The following FHIT variants were observed in gnomAD, a reference collection of about 807,000 sequenced individuals.
FHIT encodes fragile histidine triad diadenosine triphosphatase, also known as bis(5'-adenosyl)-triphosphatase.
Under a neutral mutation model 17.9 loss-of-function variants are expected in FHIT, and 19 were observed. The ratio of observed to expected loss-of-function variants is 1.06; its 90% confidence interval spans 0.74 to 1.56. The LOEUF (loss-of-function observed/expected upper bound fraction) is 1.56, where lower values mean the gene tolerates loss of function less well. Among genes scored for constraint, FHIT ranks in the 40% most tolerant of loss-of-function variants. The pLI is 0.00. For missense variants in FHIT, 248 were observed against 189.2 expected (o/e 1.31, Z -1.82); for synonymous variants, 81 against 69.7 (o/e 1.16, Z -0.81).
chr3:61,211,857 G>A (rs866163662), intron 1 of FHIT, among the ~76,000 whole-genome samples: 3 of 152,156 alleles, frequency 2.0e-5, no homozygotes, highest in East Asian at 1.9e-4. Context: ...ACGAAAATCC[G>A]CTGTTCTGCA....
At chr3:60,267,785 T>C (rs944735634) in intron 5 of FHIT, among the ~76,000 whole-genome samples, 1 of 152,218 alleles carries the variant, frequency 6.6e-6, no homozygotes, top group Non-Finnish European at 1.5e-5. Context: ...AATTATATTT[T>C]TTCTAGATTG....
intron 2 of FHIT, among the ~76,000 whole-genome samples, chr3:61,135,110 C>G (rs572804383): frequency 6.6e-6 from 1 of 152,244 alleles, no homozygotes; most frequent in African/African-American, 2.4e-5. Flanking sequence ...AAAATGGCCA[C>G]AGGGGCATCT....
At chr3:60,015,709 A>G (rs1249070516) in intron 5 of FHIT, among the ~76,000 whole-genome samples, 2 of 152,228 alleles carry the variant, frequency 1.3e-5, no homozygotes, top group African/African-American at 4.8e-5. Flanking sequence ...GTGCTATGTT[A>G]GGCTATGTTC....
At chr3:60,780,719 C>T (rs1442672500) in intron 4 of FHIT, among the ~76,000 whole-genome samples, 5 of 152,210 alleles carry the variant, frequency 3.3e-5, no homozygotes, top group Admixed American at 1.3e-4. Flanking sequence ...TTAATCTAAA[C>T]GGCAGCTGGA....
intron 4 of FHIT, among the ~76,000 whole-genome samples, chr3:60,810,946 T>C (rs1436833037): frequency 6.6e-6 from 1 of 152,190 alleles, no homozygotes; most frequent in Non-Finnish European, 1.5e-5. Flanking sequence ...GGAAAAAACA[T>C]AGGCCTTGGT....
At chr3:60,132,683 T>C (rs1366677930) in intron 5 of FHIT, among the ~76,000 whole-genome samples, 3 of 152,190 alleles carry the variant, frequency 2.0e-5, no homozygotes, top group Non-Finnish European at 2.9e-5. Flanking sequence ...TACTGGATGG[T>C]TGAAAAATCT....
At chr3:61,233,995 T>A (rs985524574) in intron 1 of FHIT, among the ~76,000 whole-genome samples, 1 of 152,212 alleles carries the variant, frequency 6.6e-6, no homozygotes, top group African/African-American at 2.4e-5. Flanking sequence ...CTGAAAGCAT[T>A]TGAAGCTGAC....
intron 2 of FHIT, among the ~76,000 whole-genome samples, chr3:61,073,745 A>C (rs2034883182): frequency 6.6e-6 from 1 of 152,122 alleles, no homozygotes; most frequent in South Asian, 2.1e-4. Context: ...CCCTATTCCT[A>C]TGTGTCATCT....
At chr3:61,249,668 ACT>A (rs1242082454) in intron 1 of FHIT, among the ~76,000 whole-genome samples, 2 of 152,020 alleles carry the variant, frequency 1.3e-5, no homozygotes, top group Non-Finnish European at 2.9e-5. Context: ...AATGGTTCTC[ACT>A]CTCATATAGC....
At chr3:59,808,823 G>T (rs1021300050) in intron 8 of FHIT, among the ~76,000 whole-genome samples, 2 of 152,150 alleles carry the variant, frequency 1.3e-5, no homozygotes, top group Admixed American at 1.3e-4. Context: ...GGACTGCGGG[G>T]TAGAAACAAT....
chr3:60,224,245 T>G (rs934579442), intron 5 of FHIT, among the ~76,000 whole-genome samples: 1 of 152,148 alleles, frequency 6.6e-6, no homozygotes, highest in Admixed American at 6.5e-5. Context: ...CCATTCTTCC[T>G]GGTTCCAGAG....
chr3:60,557,849 T>A (rs747215353), intron 4 of FHIT, among the ~76,000 whole-genome samples: 1 of 152,064 alleles, frequency 6.6e-6, no homozygotes, highest in Non-Finnish European at 1.5e-5. Context: ...CAGTGCAGAA[T>A]CTCTGAGCTC....
intron 4 of FHIT, among the ~76,000 whole-genome samples, chr3:60,682,627 G>C (rs2040776682): frequency 6.6e-6 from 1 of 152,124 alleles, no homozygotes; most frequent in African/African-American, 2.4e-5. Flanking sequence ...AAATATTACT[G>C]CTCACTGAAA....
chr3:60,345,630 G>A (rs1710737022), intron 5 of FHIT, among the ~76,000 whole-genome samples: 1 of 152,142 alleles, frequency 6.6e-6, no homozygotes, highest in Admixed American at 6.5e-5. Context: ...TCAAAATCAT[G>A]AAAGTAGACT....
At chr3:59,970,152 T>C (rs188187974) in intron 7 of FHIT, among the ~76,000 whole-genome samples, 3 of 152,130 alleles carry the variant, frequency 2.0e-5, no homozygotes, top group Non-Finnish European at 4.4e-5. Context: ...ATGGTCTTTA[T>C]GAACAGATGG....
intron 3 of FHIT, among the ~76,000 whole-genome samples, chr3:60,872,676 A>G (rs1455062765): frequency 6.6e-6 from 1 of 152,218 alleles, no homozygotes; most frequent in African/African-American, 2.4e-5. Context: ...AAAATAAAGA[A>G]TAATGATCAT....
chr3:60,422,951 T>C (rs1430487436), intron 5 of FHIT, among the ~76,000 whole-genome samples: 4 of 152,186 alleles, frequency 2.6e-5, no homozygotes, highest in Non-Finnish European at 5.9e-5. Flanking sequence ...AGATGAAATC[T>C]ACTCTTAAGA....
intron 7 of FHIT, among the ~76,000 whole-genome samples, chr3:59,959,695 G>A (rs760209137): frequency 2.6e-5 from 4 of 152,132 alleles, no homozygotes; most frequent in South Asian, 2.1e-4. Context: ...TAAAGCCCCT[G>A]GCCTCACAGT....
At chr3:60,662,928 T>C (rs2040293042) in intron 4 of FHIT, among the ~76,000 whole-genome samples, 2 of 151,684 alleles carry the variant, frequency 1.3e-5, no homozygotes, top group South Asian at 4.2e-4. Context: ...GAGATTTAGA[T>C]CAATGTTCAT....
Sources: allele counts gnomAD v4.1 joint callset (sites outside exome capture counted in the v4.1 genomes callset), GRCh38; gene constraint gnomAD v4.1.1; transcripts MANE v1.5; gene names NCBI Gene and HGNC (gene_info 2026-07-23, HGNC 2026-07-21).